GAS2: variants seen among roughly 807,000 people sequenced by gnomAD.
GAS2 encodes growth arrest specific 2, also known as growth arrest-specific protein 2.
GAS2 carries 20 observed loss-of-function variants against 37.5 expected under a neutral mutation model. That is an observed-to-expected ratio of 0.53 (90% CI 0.37 to 0.77). The LOEUF (loss-of-function observed/expected upper bound fraction) is 0.77. Ranked by LOEUF, GAS2 falls within the 30% of genes least tolerant of loss-of-function variation. GAS2 has a pLI of 0.00. For missense variants in GAS2, 336 were observed against 373.4 expected (o/e 0.90, Z 0.82); for synonymous variants, 144 against 132.2 (o/e 1.09, Z -0.61).
rs1848994590 is a variant in GAS2, at chr11:22,666,756, C to G, written c.-164C>G. On this transcript the variant is annotated 5_prime_UTR_variant, in exon 1 of 8. Coordinates refer to ENST00000454584, the MANE Select transcript of GAS2 (RefSeq NM_001143830.3). ...GGGGTAGTGCGGCTGTAGCTGCTGCCGCTGCCGCCAGGCTGGTGGGGTGCG... is the reference window on the plus strand; with the variant it reads ...GGGGTAGTGCGGCTGTAGCTGCTGCGGCTGCCGCCAGGCTGGTGGGGTGCG... 6.6e-6 allele frequency: 1 copy of G among 152,500 alleles called. No homozygotes were observed. Among genetic ancestry groups the G allele is most frequent in the Non-Finnish European group, 1.5e-5 (1 of 68,270 alleles). The allele number at this position is 152,500 out of a possible 1,614,324, so 9.4% of individuals were successfully genotyped here. A position where few individuals can be genotyped will look rare whatever the true frequency, so the allele number is the denominator to read the frequency against.
At chr11:22,694,171 T>TA (rs931579363) in intron 3 of GAS2, among the ~76,000 whole-genome samples, 5 of 152,130 alleles carry the variant, frequency 3.3e-5, no homozygotes, top group East Asian at 1.9e-4. Context: ...AAATAAAAGT[T>TA]AAAAAAATAA....
At chr11:22,652,998 T>TCTTTCTTTCTTTCTTC (rs2133835315) in intron 1 of GAS2, among the ~76,000 whole-genome samples, 1 of 136,566 alleles carries the variant, frequency 7.3e-6, no homozygotes, top group South Asian at 2.5e-4. Flanking sequence ...TCTTTGTCTT[T>TCTTTCTTTCTTTCTTC]CTTTCTTTCT....
At chr11:22,790,141 G>T (rs1399618954) in intron 7 of GAS2, among the ~76,000 whole-genome samples, 1 of 144,706 alleles carries the variant, frequency 6.9e-6, no homozygotes, top group African/African-American at 2.9e-5. Context: ...AGTGCATCCC[G>T]GAAAAAAGAG....
At chr11:22,754,283 A>G (rs1220697204) in intron 6 of GAS2, among the ~76,000 whole-genome samples, 1 of 152,110 alleles carries the variant, frequency 6.6e-6, no homozygotes, top group Non-Finnish European at 1.5e-5. Flanking sequence ...TTTGCCATTA[A>G]GATGTGCTTT....
At chr11:22,703,397 C>T (rs372686252) in intron 3 of GAS2, among the ~76,000 whole-genome samples, 4 of 152,136 alleles carry the variant, frequency 2.6e-5, no homozygotes, top group South Asian at 4.2e-4. Context: ...TCACTCTCAC[C>T]CTATGGAAAA....
chr11:22,808,972 G>C (rs1055345615), intron 7 of GAS2, among the ~76,000 whole-genome samples: 4 of 152,116 alleles, frequency 2.6e-5, no homozygotes, highest in African/African-American at 9.7e-5. Flanking sequence ...GACTAGACTG[G>C]AGTCAGGTGC....
In GAS2 at chr11:22,630,965, C is replaced by T. The variant is rs114517282; in HGVS notation, c.-21+5152C>T. On this transcript the variant is annotated intron_variant, in intron 1 of 5. Coordinates refer to the GAS2 transcript ENST00000528582. ...GTCATTATCATAATATTGATTCTTC[C>T]AGGCCATGAGCATGAGGTGTATTTC... is the stretch of plus-strand genomic sequence containing the variant. 7.1e-3 allele frequency among the ~76,000 whole-genome samples: 1,087 copies of T among 152,212 alleles called. 10 individuals carry two copies. The highest frequency in any genetic ancestry group is 0.025 in the African/African-American group (1,026 of 41,522).
At chr11:22,697,037 GT>G (rs1376288366) in intron 3 of GAS2, among the ~76,000 whole-genome samples, 35 of 151,916 alleles carry the variant, frequency 2.3e-4, no homozygotes, top group Middle Eastern at 6.8e-3. Flanking sequence ...GTCCTGAATG[GT>G]AATGCCTAGG....
At chr11:22,738,716 A>G (rs753594324) in intron 5 of GAS2, among the ~76,000 whole-genome samples, 1 of 152,212 alleles carries the variant, frequency 6.6e-6, no homozygotes, top group Non-Finnish European at 1.5e-5. Flanking sequence ...TTGGCTAGAA[A>G]ACTTGCTGCC....
At position 22,638,414 on chromosome 11, in the gene GAS2, C is replaced by G. The variant is rs558885519; in HGVS notation, c.-21+12601C>G. Reference sequence around the variant, plus strand: ...AGGCTGGAGTGCAGTGGCGTGATCTCGGCTCACTGCAGCCTTTGTCTCCCA... The same window carrying G: ...AGGCTGGAGTGCAGTGGCGTGATCTGGGCTCACTGCAGCCTTTGTCTCCCA... On this transcript the variant is annotated intron_variant, in intron 1 of 5. Coordinates refer to the GAS2 transcript ENST00000528582. Among the ~76,000 whole-genome samples, 139 of 150,680 alleles carry G rather than the reference C, an allele frequency of 9.2e-4. 1 individual carries two copies. The highest frequency in any genetic ancestry group is 3.1e-3 in the African/African-American group (127 of 40,942).
chr11:22,707,340 C>T (rs1050869005), intron 3 of GAS2, among the ~76,000 whole-genome samples: 1 of 152,178 alleles, frequency 6.6e-6, no homozygotes, highest in African/African-American at 2.4e-5. Flanking sequence ...CCTTTCATTT[C>T]TGCTCAAGGA....
chr11:22,683,177 C>A (rs1024326514), intron 2 of GAS2, among the ~76,000 whole-genome samples: 2 of 151,406 alleles, frequency 1.3e-5, no homozygotes, highest in African/African-American at 2.4e-5. Flanking sequence ...AAAAAAAAGT[C>A]ATTTTAAGCA....
At chr11:22,657,727 G>T (rs745940447) in intron 1 of GAS2, among the ~76,000 whole-genome samples, 1 of 152,164 alleles carries the variant, frequency 6.6e-6, no homozygotes, top group Non-Finnish European at 1.5e-5. Context: ...CATGACTACC[G>T]TACTTCCTCA....
chr11:22,641,218 A>G (rs912201005), intron 1 of GAS2, among the ~76,000 whole-genome samples: 55 of 142,198 alleles, frequency 3.9e-4, no homozygotes, highest in African/African-American at 1.0e-3. Flanking sequence ...ATATATATAT[A>G]TGTGTGTGTG....
rs116101349 is a variant in GAS2, at chr11:22,640,479, T to A, written c.-21+14666T>A. Among the ~76,000 whole-genome samples the A allele has an allele frequency of 9.7e-3, 1,479 of 152,294 alleles. 34 individuals carry two copies. The highest frequency in any genetic ancestry group is 0.034 in the African/African-American group (1,410 of 41,560). Reference sequence around the variant, plus strand: ...TAAACTTTGAATGGCTTTATTGACATTCACAAAATAATTTTACCTATTTTA... The same window carrying A: ...TAAACTTTGAATGGCTTTATTGACAATCACAAAATAATTTTACCTATTTTA... On this transcript the variant is annotated intron_variant, in intron 1 of 5. Coordinates refer to the GAS2 transcript ENST00000528582.
intron 1 of GAS2, among the ~76,000 whole-genome samples, chr11:22,657,619 G>A (rs1565069297): frequency 6.6e-6 from 1 of 152,030 alleles, no homozygotes; most frequent in Non-Finnish European, 1.5e-5. Context: ...AACAAGGCAA[G>A]GAAAACAGAG....
At chr11:22,722,539 G>T (rs187985990) in intron 3 of GAS2, among the ~76,000 whole-genome samples, 47 of 151,926 alleles carry the variant, frequency 3.1e-4, no homozygotes, top group Non-Finnish European at 5.0e-4. Context: ...ATCCAATTTA[G>T]GTTCAGCTTG....
chr11:22,740,794 G>C (rs929608231), intron 5 of GAS2, among the ~76,000 whole-genome samples: 2 of 152,104 alleles, frequency 1.3e-5, no homozygotes, highest in Admixed American at 1.3e-4. Flanking sequence ...GCTTAAATTT[G>C]TGCTTCTCAC....
At chr11:22,737,647 C>A (rs1852825495) in intron 4 of GAS2, 58 bp from the exon 5 acceptor site, 1 of 1,501,474 alleles carries the variant, frequency 6.7e-7, no homozygotes, top group African/African-American at 1.4e-5. Context: ...CAAGCCTGTG[C>A]TGTTGAGCTG....
Sources: gnomAD v4.1 joint callset for allele counts (sites outside exome capture counted in the v4.1 genomes callset) on GRCh38, gnomAD v4.1.1 for gene constraint, MANE v1.5 for transcripts, NCBI Gene and HGNC (gene_info 2026-07-23, HGNC 2026-07-21) for gene names.